TMEM108: variants seen among roughly 807,000 people sequenced by gnomAD.
The protein encoded by TMEM108 is transmembrane protein 108, also known as cancer/testis antigen 124.
In TMEM108, 12 loss-of-function variants were observed where a neutral mutation model predicts 35.1. The observed-to-expected ratio is 0.34, with a 90% CI of 0.22 to 0.55. The LOEUF (loss-of-function observed/expected upper bound fraction) is 0.55, where lower values mean the gene tolerates loss of function less well. Among genes scored for constraint, TMEM108 ranks in the 20% least tolerant of loss-of-function variants. The probability of loss-of-function intolerance (pLI) is 0.89; values close to 1 mark genes in which losing one functional copy is unlikely to be tolerated. For missense variants in TMEM108, 680 were observed against 753.3 expected (o/e 0.90, Z 1.14); for synonymous variants, 287 against 308.6 (o/e 0.93, Z 0.73).
intron 3 of TMEM108, among the ~76,000 whole-genome samples, chr3:133,237,118 G>T (rs986148056): frequency 6.6e-6 from 1 of 152,058 alleles, no homozygotes; most frequent in Non-Finnish European, 1.5e-5. Context: ...AGAGTCATGG[G>T]TCAGGAATCT....
At chr3:133,044,944 A>G (rs921218395) in intron 1 of TMEM108, among the ~76,000 whole-genome samples, 1 of 151,744 alleles carries the variant, frequency 6.6e-6, no homozygotes, top group Non-Finnish European at 1.5e-5. Context: ...GTCTCTTAAA[A>G]AAATTCTGAA....
intron 3 of TMEM108, among the ~76,000 whole-genome samples, chr3:133,373,828 A>G (rs1165281646): frequency 6.6e-6 from 1 of 152,196 alleles, no homozygotes; most frequent in Non-Finnish European, 1.5e-5. Flanking sequence ...CAGTGGCTTA[A>G]AGCAGTAACA....
intron 3 of TMEM108, among the ~76,000 whole-genome samples, chr3:133,285,196 A>G (rs1208626325): frequency 4.6e-5 from 7 of 152,206 alleles, no homozygotes; most frequent in Non-Finnish European, 1.0e-4. Context: ...TTTGATTTTA[A>G]TTAATTTTTA....
intron 2 of TMEM108, among the ~76,000 whole-genome samples, chr3:133,157,246 T>C (rs575366698): frequency 5.9e-5 from 9 of 152,242 alleles, no homozygotes; most frequent in African/African-American, 9.6e-5. Context: ...TCTTCTTTTC[T>C]GTTAAGTATT....
intron 3 of TMEM108, among the ~76,000 whole-genome samples, chr3:133,275,985 A>G (rs1171476053): frequency 6.6e-6 from 1 of 152,202 alleles, no homozygotes; most frequent in Admixed American, 6.5e-5. Context: ...TTGACTAGCC[A>G]TGGACGTGGC....
At chr3:133,295,787 A>G (rs1268298178) in intron 3 of TMEM108, among the ~76,000 whole-genome samples, 1 of 152,184 alleles carries the variant, frequency 6.6e-6, no homozygotes, top group African/African-American at 2.4e-5. Flanking sequence ...GGGAAAACGT[A>G]ATTACAGGCC....
At chr3:133,258,205 G>C (rs1244251292) in intron 3 of TMEM108, among the ~76,000 whole-genome samples, 1 of 152,208 alleles carries the variant, frequency 6.6e-6, no homozygotes, top group Non-Finnish European at 1.5e-5. Flanking sequence ...GACATGGTGA[G>C]AAGGTATGGT....
At chr3:133,107,032 TA>T (rs574430303) in intron 2 of TMEM108, among the ~76,000 whole-genome samples, 1 of 152,204 alleles carries the variant, frequency 6.6e-6, no homozygotes, top group Admixed American at 6.5e-5. Context: ...GAACAGATTG[TA>T]AAAAACTTGC....
chr3:133,165,396 G>A (rs1197891150), intron 2 of TMEM108, among the ~76,000 whole-genome samples: 13 of 152,122 alleles, frequency 8.5e-5, no homozygotes. Context: ...CGAAGTGACA[G>A]AGAAGAGCAT....
At chr3:133,261,513 C>T (rs1010436426) in intron 3 of TMEM108, among the ~76,000 whole-genome samples, 3 of 152,204 alleles carry the variant, frequency 2.0e-5, no homozygotes, top group African/African-American at 7.2e-5. Flanking sequence ...CCTCTTCTCA[C>T]CTGCCCACTC....
chr3:133,039,173 A>G (rs558079441), intron 1 of TMEM108, among the ~76,000 whole-genome samples: 1 of 152,214 alleles, frequency 6.6e-6, no homozygotes, highest in Non-Finnish European at 1.5e-5. Context: ...GATGCAGCGT[A>G]ACTGATGACT....
In TMEM108 at chr3:133,150,342, G is replaced by GTTTTTTTTTTT. The variant is rs10663538; in HGVS notation, c.-46-78918_-46-78908dup. Reference sequence around the variant, plus strand: ...CCATTTAAAAAAATCAGGTTATTTGGTTTTTTTTTTTTTTTTGCAATTGAG... The same window carrying GTTTTTTTTTTT: ...CCATTTAAAAAAATCAGGTTATTTGGTTTTTTTTTTTTTTTTTTTTTTTTTTTGCAATTGAG... On this transcript the variant is annotated intron_variant, in intron 2 of 5. Coordinates refer to ENST00000321871, the MANE Select transcript of TMEM108 (RefSeq NM_023943.4). 2.7e-4 allele frequency among the ~76,000 whole-genome samples: 30 copies of GTTTTTTTTTTT among 109,684 alleles called. 2 individuals carry two copies. Among genetic ancestry groups the GTTTTTTTTTTT allele is most frequent in the African/African-American group, 3.7e-4 (10 of 27,302 alleles). The allele number at this position is 109,684 out of a possible 152,430, so 72.0% of individuals were successfully genotyped here. A position where few individuals can be genotyped will look rare whatever the true frequency, so the allele number is the denominator to read the frequency against.
At chr3:133,373,090 G>A (rs1462776125) in intron 3 of TMEM108, among the ~76,000 whole-genome samples, 1 of 152,190 alleles carries the variant, frequency 6.6e-6, no homozygotes, top group Non-Finnish European at 1.5e-5. Context: ...ACACTGGCCA[G>A]GCACAGTGGC....
intron 2 of TMEM108, among the ~76,000 whole-genome samples, chr3:133,178,818 TTAAAC>T (rs1395653895): frequency 3.9e-5 from 6 of 152,144 alleles, no homozygotes; most frequent in African/African-American, 1.2e-4. Context: ...TGGGATCTAA[TTAAAC>T]TAAAGAGCTT....
intron 2 of TMEM108, among the ~76,000 whole-genome samples, chr3:133,114,761 A>G (rs892123359): frequency 6.6e-6 from 1 of 152,194 alleles, no homozygotes; most frequent in African/African-American, 2.4e-5. Context: ...ATCCTTGTAC[A>G]AAGAAAACAA....
At chr3:133,185,651 G>A (rs1945407475) in intron 2 of TMEM108, among the ~76,000 whole-genome samples, 1 of 151,734 alleles carries the variant, frequency 6.6e-6, no homozygotes, top group Non-Finnish European at 1.5e-5. Flanking sequence ...GTAGAGCAGG[G>A]AGCAAGACTT....
intron 2 of TMEM108, among the ~76,000 whole-genome samples, chr3:133,096,121 A>G (rs74966427): frequency 0.017 from 2,553 of 152,224 alleles, 66 homozygotes; most frequent in African/African-American, 0.059. Flanking sequence ...GCAGTGTTCA[A>G]AGGCTCACCT....
chr3:133,265,969 C>T (rs1203612686), intron 3 of TMEM108, among the ~76,000 whole-genome samples: 2 of 152,150 alleles, frequency 1.3e-5, no homozygotes, highest in African/African-American at 4.8e-5. Flanking sequence ...ATAAATTCCT[C>T]TTATAATTCA....
intron 3 of TMEM108, among the ~76,000 whole-genome samples, chr3:133,349,608 T>C (rs1037500327): frequency 6.6e-6 from 1 of 150,752 alleles, no homozygotes; most frequent in Non-Finnish European, 1.5e-5. Flanking sequence ...AAAACTAACC[T>C]GATTTTTAAA....
Sources: allele counts gnomAD v4.1 joint callset (sites outside exome capture counted in the v4.1 genomes callset), GRCh38; gene constraint gnomAD v4.1.1; transcripts MANE v1.5; gene names NCBI Gene and HGNC (gene_info 2026-07-23, HGNC 2026-07-21).